Variants in ANK1 observed in about 807,000 individuals in gnomAD.
The protein encoded by ANK1 is ankyrin 1.
A neutral mutation model predicts 210.4 loss-of-function variants in ANK1; 51 were observed. That is an observed-to-expected ratio of 0.24 (90% CI 0.19 to 0.31). The LOEUF is 0.31. Among genes scored for constraint, ANK1 ranks in the 10% least tolerant of loss-of-function variants. The probability of loss-of-function intolerance (pLI) is 1.00; values close to 1 mark genes in which losing one functional copy is unlikely to be tolerated. For synonymous variants in ANK1, 967 were observed against 1,025.9 expected, an observed-to-expected ratio of 0.94 and a Z score of 1.10; for missense variants, 2,051 against 2,504.4, an observed-to-expected ratio of 0.82 and a Z score of 3.86.
intron 37 of ANK1, among the ~76,000 whole-genome samples, chr8:41,673,137 G>A (rs1414611013): frequency 2.0e-5 from 3 of 152,218 alleles, no homozygotes; most frequent in Non-Finnish European, 1.5e-5. Flanking sequence ...TGAATTGGGT[G>A]GGGGCAGCCA....
At chr8:41,721,644 G>A (rs1002360577) in intron 9 of ANK1, among the ~76,000 whole-genome samples, 41 of 132,144 alleles carry the variant, frequency 3.1e-4, no homozygotes, top group African/African-American at 1.1e-3. Context: ...GTGACTGAGT[G>A]AGACTTCATC....
In ANK1 at chr8:41,684,708, A is replaced by G; in HGVS notation, c.4391-18T>C. ...ATTCTCCACTGTGGGCGCAGAAGAG[A>G]GATGCACGTTACTCCAGGCCGGTGA... is the stretch of plus-strand genomic sequence containing the variant. On this transcript the variant is annotated intron_variant, in intron 36 of 42. Transcript: ENST00000289734. The G allele has an allele frequency of 6.2e-7, 1 of 1,612,706 alleles. No homozygotes were observed. The highest frequency in any genetic ancestry group is 8.5e-7 in the Non-Finnish European group (1 of 1,179,404).
intron 1 of ANK1, among the ~76,000 whole-genome samples, chr8:41,844,508 C>T (rs1809637727): frequency 6.6e-6 from 1 of 152,074 alleles, no homozygotes; most frequent in Non-Finnish European, 1.5e-5. Flanking sequence ...CTGATGCACC[C>T]ACCACACACC....
intron 38 of ANK1, among the ~76,000 whole-genome samples, chr8:41,672,136 C>T (rs909019489): frequency 2.6e-5 from 4 of 152,224 alleles, no homozygotes; most frequent in East Asian, 1.9e-4. Flanking sequence ...TCTCTCCTGC[C>T]GGGCATACCT....
At chr8:41,665,237 A>G in intron 39 of ANK1, 2 of 1,516,722 alleles carry the variant, frequency 1.3e-6, no homozygotes, top group Non-Finnish European at 1.8e-6. Context: ...GCCCGGCCCA[A>G]GTGCCCTTCT....
intron 1 of ANK1, among the ~76,000 whole-genome samples, chr8:41,822,132 GAGAAAGAAAGAAAGAAAGAAAGAA>G (rs71239083): frequency 9.7e-4 from 40 of 41,054 alleles, no homozygotes; most frequent in Admixed American, 2.2e-3. Context: ...GAGAAAGAAA[GAGAAAGAAAGAAAGAAAGAAAGAA>G]AGAAAGAAAG....
chr8:41,691,512 G>A (rs1436216536), intron 31 of ANK1, among the ~76,000 whole-genome samples: 1 of 152,150 alleles, frequency 6.6e-6, no homozygotes, highest in African/African-American at 2.4e-5. Flanking sequence ...AGATTCTGAG[G>A]ATTAGATCAC....
intron 42 of ANK1, among the ~76,000 whole-genome samples, chr8:41,658,166 G>C (rs140375935): frequency 2.6e-5 from 4 of 152,090 alleles, no homozygotes; most frequent in African/African-American, 9.7e-5. Context: ...CACTATGCCC[G>C]GCCCTAGACA....
Position 41,880,172 on chromosome 8 carries a change from T to A in ANK1, c.126+16183A>T, listed in dbSNP as rs191810287. The stretch of plus-strand genomic sequence containing the variant: ...GCATGAAAATTAAATGAAATTCAAA[T>A]TTCAGTGTCCATAAATAAAGTTTTA... On this transcript the variant is annotated intron_variant, in intron 1 of 42. Transcript: ENST00000265709. 4.2e-3 allele frequency among the ~76,000 whole-genome samples: 636 copies of A among 152,338 alleles called. 2 individuals are homozygous for A. The highest frequency in any genetic ancestry group is 0.014 in the African/African-American group (600 of 41,576).
In ANK1 at chr8:41,696,534, C is replaced by A; in HGVS notation, c.2789G>T (p.Arg930Leu). Residue 930 changes from arginine to leucine, a missense_variant, in exon 26 of 43, where the codon CGC (arginine) becomes CTC (leucine). Physicochemically the swap from Arg to Leu is moderately radical, Grantham distance 102 (BLOSUM62 -2). Transcript: ENST00000289734. Reference protein sequence around the residue: ...DARGGSMRGSRHNGLRVVIPP... With the variant: ...DARGGSMRGSLHNGLRVVIPP... The stretch of plus-strand genomic sequence containing the variant: ...GATCACCACTCGCAGGCCGTTGTGG[C>A]GACTTCCTCTCATGGAACCACCCCG... The A allele has an allele frequency of 6.2e-7, 1 of 1,613,816 alleles. No homozygotes were observed. Among genetic ancestry groups the A allele is most frequent in the Non-Finnish European group, 8.5e-7 (1 of 1,180,020 alleles).
chr8:41,777,353 T>A (rs1279318845), intron 1 of ANK1, among the ~76,000 whole-genome samples: 2 of 152,144 alleles, frequency 1.3e-5, no homozygotes, highest in Non-Finnish European at 2.9e-5. Flanking sequence ...GGCAGGTGGA[T>A]CACCTGAGGT....
In ANK1 at chr8:41,668,258, G is replaced by C; in HGVS notation, c.5394+9C>G. On this transcript the variant is annotated intron_variant, in intron 39 of 42. Transcript: ENST00000289734. Reference sequence around the variant, plus strand: ...GAACAGCAGCACGCAGCTCCCCTCGGGCTCTCACCTGCACCACTTGGGTGA... The same window carrying C: ...GAACAGCAGCACGCAGCTCCCCTCGCGCTCTCACCTGCACCACTTGGGTGA... The C allele has an allele frequency of 6.2e-7, 1 of 1,614,218 alleles. No individual in the cohort carries two copies. The highest frequency in any genetic ancestry group is 8.5e-7 in the Non-Finnish European group (1 of 1,180,032).
At position 41,686,135 on chromosome 8, in the gene ANK1, A is replaced by G; in HGVS notation, c.4390+17T>C. 6.2e-7 allele frequency: 1 copy of G among 1,614,230 alleles called. No individual in the cohort carries two copies. Among genetic ancestry groups the G allele is most frequent in the Non-Finnish European group, 8.5e-7 (1 of 1,180,034 alleles). ...AGGAGGTCCTAGGACAGGCTTCCTC[A>G]GTGGGACGGTACTGACTGTTTGCGT... On this transcript the variant is annotated intron_variant, in intron 36 of 42. Transcript: ENST00000289734.
chr8:41,813,232 A>T (rs966486892), intron 1 of ANK1, among the ~76,000 whole-genome samples: 5 of 152,188 alleles, frequency 3.3e-5, no homozygotes, highest in Non-Finnish European at 5.9e-5. Flanking sequence ...CATACACAGC[A>T]TGTTGTGGCG....
intron 1 of ANK1, among the ~76,000 whole-genome samples, chr8:41,814,252 C>A (rs1042151587): frequency 6.6e-6 from 1 of 151,476 alleles, no homozygotes; most frequent in Non-Finnish European, 1.5e-5. Flanking sequence ...CCCAGCTACT[C>A]AGGAGGCTGA....
chr8:41,796,998 TA>T (rs1221536651), intron 1 of ANK1, among the ~76,000 whole-genome samples: 2 of 152,058 alleles, frequency 1.3e-5, no homozygotes, highest in Non-Finnish European at 2.9e-5. Flanking sequence ...CAACATAAAT[TA>T]AAAGAACCGA....
At chr8:41,787,531 G>A (rs926765947) in intron 1 of ANK1, among the ~76,000 whole-genome samples, 15 of 152,158 alleles carry the variant, frequency 9.9e-5, no homozygotes, top group East Asian at 1.9e-4. Context: ...CTTCTGAGAG[G>A]TAAACCAGTG....
At chr8:41,793,125 C>T (rs968808383) in intron 1 of ANK1, among the ~76,000 whole-genome samples, 1 of 152,174 alleles carries the variant, frequency 6.6e-6, no homozygotes, top group African/African-American at 2.4e-5. Context: ...GCCTGTAAAC[C>T]CTGTGCTTTG....
intron 31 of ANK1, 24 bp downstream of exon 31, chr8:41,692,624 C>G (rs778014042): frequency 1.3e-6 from 2 of 1,599,416 alleles, no homozygotes; most frequent in Admixed American, 3.3e-5. Context: ...GTCCCAGAGG[C>G]GGTGCAGGGC....
Sources: allele counts gnomAD v4.1 joint callset (sites outside exome capture counted in the v4.1 genomes callset), GRCh38; gene constraint gnomAD v4.1.1; transcripts MANE v1.5; gene names NCBI Gene and HGNC (gene_info 2026-07-23, HGNC 2026-07-21).